The following FLRT1 variants were observed in gnomAD, a reference collection of about 807,000 sequenced individuals.
The protein encoded by FLRT1 is fibronectin leucine rich transmembrane protein 1.
Under a neutral mutation model 30.9 loss-of-function variants are expected in FLRT1, and 14 were observed. The ratio of observed to expected loss-of-function variants is 0.45; its 90% CI spans 0.30 to 0.71. The LOEUF is 0.71. Ranked by LOEUF, FLRT1 falls within the 30% of genes least tolerant of loss-of-function variation. FLRT1 has a pLI of 0.08. For synonymous variants in FLRT1, 368 were observed against 430.4 expected (o/e 0.85, Z 1.80); for missense variants, 737 against 949.2 (o/e 0.78, Z 2.94).
At chr11:64,050,811 G>A (rs778201730) in intron 1 of FLRT1, among the ~76,000 whole-genome samples, 14 of 152,240 alleles carry the variant, frequency 9.2e-5, no homozygotes, top group Non-Finnish European at 5.9e-5. Flanking sequence ...TTGAGATGGG[G>A]TTCTGTCATG....
chr11:64,094,747 T>C (rs928366607), intron 1 of FLRT1, among the ~76,000 whole-genome samples: 83 of 152,348 alleles, frequency 5.4e-4, no homozygotes, highest in Non-Finnish European at 1.0e-3. Flanking sequence ...CTGACCCCTA[T>C]CTACCAGGAT....
intron 1 of FLRT1, among the ~76,000 whole-genome samples, chr11:64,079,826 C>G (rs1944273011): frequency 6.6e-6 from 1 of 152,032 alleles, no homozygotes; most frequent in African/African-American, 2.4e-5. Context: ...ACTTGGACCC[C>G]AGGAAGGAGC....
intron 1 of FLRT1, among the ~76,000 whole-genome samples, chr11:64,055,330 T>C (rs1305182982): frequency 1.3e-5 from 2 of 152,198 alleles, no homozygotes; most frequent in Non-Finnish European, 2.9e-5. Context: ...GAGACACCTC[T>C]TTAAATACCA....
chr11:64,100,773 G>A (rs749542550), intron 1 of FLRT1, among the ~76,000 whole-genome samples: 1 of 152,140 alleles, frequency 6.6e-6, no homozygotes, highest in South Asian at 2.1e-4. Context: ...AGCCTGAGAG[G>A]CCCCACTTAT....
chr11:64,091,357 C>T (rs552942226), intron 1 of FLRT1, among the ~76,000 whole-genome samples: 223 of 152,188 alleles, frequency 1.5e-3, no homozygotes, highest in African/African-American at 5.3e-3. Flanking sequence ...CCGTTACAAT[C>T]TCATTCATTC....
chr11:64,049,960 A>G (rs369047009), intron 1 of FLRT1, among the ~76,000 whole-genome samples: 145 of 152,324 alleles, frequency 9.5e-4, no homozygotes, highest in Admixed American at 2.5e-3. Context: ...CTCTTGGCCT[A>G]GCGATCGCAC....
rs1944527051 is a variant in FLRT1, at chr11:64,093,556, C to T, written c.-1037-9638C>T. Among the ~76,000 whole-genome samples the T allele has an allele frequency of 3.9e-5, 6 of 152,274 alleles. No individual in the cohort carries two copies. The South Asian group carries it at 1.2e-3, about 31-fold the overall frequency. ...TGCCTGGTACAGATTTCTTTCTTAA[C>T]TCCATCCCTCCCAGTCCTTCCCTCC... is the stretch of plus-strand genomic sequence containing the variant. On this transcript the variant is annotated intron_variant, in intron 1 of 2. Transcript: ENST00000682287.
At chr11:64,061,316 C>A (rs1943899510) in intron 1 of FLRT1, among the ~76,000 whole-genome samples, 1 of 152,204 alleles carries the variant, frequency 6.6e-6, no homozygotes, top group Non-Finnish European at 1.5e-5. Context: ...GTCTGCCCTT[C>A]CTTCACGCTG....
intron 1 of FLRT1, among the ~76,000 whole-genome samples, chr11:64,042,418 G>C (rs320136): frequency 2.3e-4 from 35 of 152,140 alleles, no homozygotes; most frequent in Non-Finnish European, 3.4e-4. Flanking sequence ...GGAATGGGGG[G>C]GTGTGAAGGA....
At chr11:64,045,240 G>A (rs908229005) in intron 1 of FLRT1, among the ~76,000 whole-genome samples, 3 of 152,216 alleles carry the variant, frequency 2.0e-5, no homozygotes, top group South Asian at 2.1e-4. Flanking sequence ...GGTGGTGGGC[G>A]AAGGGGCCCG....
intron 1 of FLRT1, among the ~76,000 whole-genome samples, chr11:64,050,064 A>C (rs1167499737): frequency 6.6e-6 from 1 of 151,798 alleles, no homozygotes; most frequent in Non-Finnish European, 1.5e-5. Context: ...GTGATGGCCT[A>C]CTCTTCCCTC....
intron 1 of FLRT1, among the ~76,000 whole-genome samples, chr11:64,054,023 G>T (rs1943740568): frequency 6.6e-6 from 1 of 152,170 alleles, no homozygotes; most frequent in Non-Finnish European, 1.5e-5. Context: ...GCTCCCACGT[G>T]GTTCAGAAAG....
chr11:64,039,009 C>A (rs949640991), intron 1 of FLRT1, among the ~76,000 whole-genome samples: 1 of 152,136 alleles, frequency 6.6e-6, no homozygotes, highest in Admixed American at 6.5e-5. Context: ...TAGTCTACAC[C>A]CCTCGTTCAC....
intron 1 of FLRT1, among the ~76,000 whole-genome samples, chr11:64,060,263 G>T (rs1943874157): frequency 6.6e-6 from 1 of 152,260 alleles, no homozygotes; most frequent in South Asian, 2.1e-4. Flanking sequence ...GGAGGCCCCA[G>T]AGCTCCGGGA....
intron 1 of FLRT1, among the ~76,000 whole-genome samples, chr11:64,075,719 C>A (rs1178349015): frequency 1.3e-5 from 2 of 152,236 alleles, no homozygotes; most frequent in Non-Finnish European, 2.9e-5. Context: ...CTTGCCCAGG[C>A]TGGAGCGCAG....
At position 64,052,753 on chromosome 11, in the gene FLRT1, G is replaced by T. The variant is rs560140246; in HGVS notation, c.-1038+16594G>T. On this transcript the variant is annotated intron_variant, in intron 1 of 2. Coordinates refer to ENST00000682287, the MANE Select transcript of FLRT1 (RefSeq NM_013280.5). ...TCCCAGCTTCTAGGGGTGGAGTTGT[G>T]ATGTAAACCTGATTCTCCTGACTCC... Among the ~76,000 whole-genome samples, 10 of 152,362 alleles carry T rather than the reference G, an allele frequency of 6.6e-5. No homozygotes were observed. The East Asian group carries it at 1.9e-3, about 29-fold the overall frequency.
intron 1 of FLRT1, among the ~76,000 whole-genome samples, chr11:64,038,473 C>T (rs1943424620): frequency 6.6e-6 from 1 of 152,182 alleles, no homozygotes; most frequent in Non-Finnish European, 1.5e-5. Flanking sequence ...GGCCTTGACC[C>T]TGCGGGTGTT....
intron 1 of FLRT1, among the ~76,000 whole-genome samples, chr11:64,098,215 C>T (rs6591834): frequency 0.12 from 18,753 of 152,198 alleles, 3,176 homozygotes; most frequent in African/African-American, 0.38. Flanking sequence ...CCCCCCTGCC[C>T]TTGTACAAAG....
intron 1 of FLRT1, among the ~76,000 whole-genome samples, chr11:64,102,770 GA>G (rs964598152): frequency 6.6e-6 from 1 of 151,784 alleles, no homozygotes; most frequent in Non-Finnish European, 1.5e-5. Flanking sequence ...GTGGCATTAA[GA>G]AAAAAAACAG....
Sources: allele counts gnomAD v4.1 joint callset (sites outside exome capture counted in the v4.1 genomes callset), GRCh38; gene constraint gnomAD v4.1.1; transcripts MANE v1.5; gene names NCBI Gene and HGNC (gene_info 2026-07-23, HGNC 2026-07-21).